The following FUT8 variants were observed in gnomAD, a reference collection of about 807,000 sequenced individuals.
FUT8 encodes fucosyltransferase 8.
In FUT8, 29 loss-of-function variants were observed where a neutral mutation model predicts 71.3. The observed-to-expected ratio is 0.41, with a 90% CI of 0.30 to 0.55. The LOEUF (loss-of-function observed/expected upper bound fraction) is 0.55, where lower values mean the gene tolerates loss of function less well. FUT8 is among the 20% of genes least tolerant of loss of function. FUT8 has a pLI of 0.34. For missense variants in FUT8, 544 were observed against 702.1 expected, an observed-to-expected ratio of 0.77 and a Z score of 2.55; for synonymous variants, 254 against 239.3, an observed-to-expected ratio of 1.06 and a Z score of -0.57.
rs1409525625 is a variant in FUT8, at chr14:65,607,825, A to AG, written c.204-8151dup. Among the ~76,000 whole-genome samples the AG allele has an allele frequency of 1.3e-5, 2 of 151,824 alleles. No individual in the cohort carries two copies. Among genetic ancestry groups the AG allele is most frequent in the Non-Finnish European group, 2.9e-5 (2 of 67,896 alleles). ...ATGCCTGTAATCCCAGCACTTTGGG[A>AG]GGCTGAAGTGGGCAGATCATGAGGT... On this transcript the variant is annotated intron_variant, in intron 3 of 10. Transcript: ENST00000673929. This position sits in a 1 kb window ranked among gnomAD's most constrained non-coding sequence, Gnocchi z 4.1.
At chr14:65,539,882 A>G (rs1884573778) in intron 2 of FUT8, among the ~76,000 whole-genome samples, 1 of 152,246 alleles carries the variant, frequency 6.6e-6, no homozygotes, top group Non-Finnish European at 1.5e-5. Flanking sequence ...TTGATTGGCT[A>G]ATTGGTGGAG....
intron 2 of FUT8, among the ~76,000 whole-genome samples, chr14:65,459,755 A>G (rs1456267006): frequency 6.6e-6 from 1 of 152,226 alleles, no homozygotes; most frequent in Admixed American, 6.5e-5. Flanking sequence ...GTAAAGTTTA[A>G]AACTGCTAGT....
rs558162260 is a variant in FUT8, at chr14:65,653,278, A to T, written c.598-15965A>T. Among the ~76,000 whole-genome samples, 465 of 152,234 alleles carry T rather than the reference A, an allele frequency of 3.1e-3. 3 individuals are homozygous for T. The highest frequency in any genetic ancestry group is 0.011 in the African/African-American group (452 of 41,544). ...AAAATCCAGTCTGCTACAGTGCCTT[A>T]TATACACCTCTATTATCAGATTGAC... On this transcript the variant is annotated intron_variant, in intron 6 of 10. Coordinates refer to ENST00000673929, the MANE Select transcript of FUT8 (RefSeq NM_001371533.1).
At chr14:65,681,631 C>G (rs76499358) in intron 7 of FUT8, among the ~76,000 whole-genome samples, 9,399 of 152,158 alleles carry the variant, frequency 0.062, 519 homozygotes, top group African/African-American at 0.14. Flanking sequence ...TATAAAATCT[C>G]AGTTGTATGT....
intron 3 of FUT8, among the ~76,000 whole-genome samples, chr14:65,587,046 G>A (rs1048808308): frequency 2.6e-5 from 4 of 152,034 alleles, no homozygotes; most frequent in Admixed American, 1.3e-4. Flanking sequence ...AAAGTCAGCC[G>A]GGCATGGTGG....
Position 65,556,012 on chromosome 14 carries a change from A to G in FUT8, c.-227-5325A>G, listed in dbSNP as rs1230607587. ...GATTAAGACTCAGTTCTGTCCTGCA[A>G]CTTGAATGCCTATTCTGTGCCCAGG... On this transcript the variant is annotated intron_variant, in intron 2 of 10. Coordinates refer to ENST00000673929, the MANE Select transcript of FUT8 (RefSeq NM_001371533.1). 2.0e-5 allele frequency among the ~76,000 whole-genome samples: 3 copies of G among 152,360 alleles called. No individual in the cohort carries two copies. In the East Asian group the frequency reaches 5.8e-4, roughly 29 times the overall value.
chr14:65,404,471 G>A, the FUT8 span, among the ~76,000 whole-genome samples: 16 of 150,808 alleles, frequency 1.1e-4, no homozygotes, highest in Non-Finnish European at 2.1e-4. Flanking sequence ...TGCACCCAGC[G>A]TTGTTTCTTT....
rs143400936 is a variant in FUT8, at chr14:65,731,201, A to G, written c.1260-2030A>G. Among the ~76,000 whole-genome samples, 138 of 152,354 alleles carry G rather than the reference A, an allele frequency of 9.1e-4. 1 individual carries two copies. Among genetic ancestry groups the G allele is most frequent in the African/African-American group, 2.9e-3 (120 of 41,584 alleles). ...AGGGAGTAACCAACAGGTAGACAAT[A>G]TACATGTAACACATATTACAGTAAA... On this transcript the variant is annotated intron_variant, in intron 9 of 10. Coordinates refer to ENST00000673929, the MANE Select transcript of FUT8 (RefSeq NM_001371533.1).
chr14:65,475,251 G>A (rs1219088933), intron 2 of FUT8, among the ~76,000 whole-genome samples: 2 of 152,108 alleles, frequency 1.3e-5, no homozygotes, highest in Non-Finnish European at 2.9e-5. Flanking sequence ...TTACAGTACA[G>A]GAAGTCCCCT....
At chr14:65,613,921 G>C (rs566188576) in intron 3 of FUT8, among the ~76,000 whole-genome samples, 5 of 152,134 alleles carry the variant, frequency 3.3e-5, no homozygotes, top group African/African-American at 1.2e-4. Context: ...AGACCAGCCT[G>C]GCCAACCCAA....
At chr14:65,612,023 C>A (rs1040600730) in intron 3 of FUT8, among the ~76,000 whole-genome samples, 3 of 152,148 alleles carry the variant, frequency 2.0e-5, no homozygotes, top group African/African-American at 7.2e-5. Context: ...ATATGAAATA[C>A]AGTCATAATA....
At chr14:65,535,097 TTTTA>T (rs903926756) in intron 2 of FUT8, among the ~76,000 whole-genome samples, 2 of 151,144 alleles carry the variant, frequency 1.3e-5, no homozygotes, top group Non-Finnish European at 2.9e-5. Flanking sequence ...ATTTTTTATT[TTTTA>T]TTTTATTTTA....
intron 3 of FUT8, among the ~76,000 whole-genome samples, chr14:65,608,730 T>G (rs1480434060): frequency 6.6e-6 from 1 of 151,926 alleles, no homozygotes; most frequent in African/African-American, 2.4e-5. Flanking sequence ...CCCTAGTGAT[T>G]AGCTGTTTCA....
chr14:65,470,411 A>C (rs908785024), intron 2 of FUT8, among the ~76,000 whole-genome samples: 2 of 152,098 alleles, frequency 1.3e-5, no homozygotes, highest in South Asian at 2.1e-4. Flanking sequence ...TCTACCACCC[A>C]GGCTTGGGTG....
chr14:65,446,368 G>A (rs1227868241), intron 1 of FUT8, among the ~76,000 whole-genome samples: 2 of 152,226 alleles, frequency 1.3e-5, no homozygotes, highest in African/African-American at 4.8e-5. Context: ...AAGGCAATAG[G>A]AAGTGTGTCA....
intron 2 of FUT8, among the ~76,000 whole-genome samples, chr14:65,555,309 T>C (rs991742295): frequency 6.6e-6 from 1 of 152,210 alleles, no homozygotes; most frequent in Non-Finnish European, 1.5e-5. Flanking sequence ...GGTATTTTTA[T>C]TGTACCTGGT....
At chr14:65,548,370 A>T (rs1394963397) in intron 2 of FUT8, among the ~76,000 whole-genome samples, 1 of 152,054 alleles carries the variant, frequency 6.6e-6, no homozygotes, top group Non-Finnish European at 1.5e-5. Flanking sequence ...TTAGCAACAT[A>T]CATTTAAGAT....
intron 7 of FUT8, among the ~76,000 whole-genome samples, chr14:65,707,551 C>T (rs1044525541): frequency 1.3e-5 from 2 of 151,986 alleles, no homozygotes; most frequent in African/African-American, 4.8e-5. Context: ...AGAGTTCTTT[C>T]CAAGAAATTG....
chr14:65,640,292 AAGCAGATGGTAAATACTAG>A (rs537251578), intron 6 of FUT8, among the ~76,000 whole-genome samples: 25 of 152,202 alleles, frequency 1.6e-4, no homozygotes, highest in Admixed American at 1.1e-3. Context: ...TCAAGTGAAA[AAGCAGATGGTAAATACTAG>A]AGCCAGTTTT....
Sources: gnomAD v4.1 joint callset for allele counts (sites outside exome capture counted in the v4.1 genomes callset) on GRCh38, gnomAD v4.1.1 for gene constraint, Gnocchi (gnomAD v3.1) non-coding constraint, MANE v1.5 for transcripts, NCBI Gene and HGNC (gene_info 2026-07-23, HGNC 2026-07-21) for gene names.